Variants in UTP4 observed in about 807,000 individuals in gnomAD.
UTP4 encodes U3 small nucleolar RNA-associated protein 4 homolog.
Under a neutral mutation model 82.4 loss-of-function variants are expected in UTP4, and 45 were observed. That is an observed-to-expected ratio of 0.55 (90% CI 0.43 to 0.70). The LOEUF (loss-of-function observed/expected upper bound fraction) is 0.70. Ranked by LOEUF, UTP4 falls within the 30% of genes least tolerant of loss-of-function variation. The pLI, the probability that UTP4 is intolerant of heterozygous loss-of-function variation, is 0.00. For missense variants in UTP4, 819 were observed against 858.3 expected (o/e 0.95, Z 0.57); for synonymous variants, 348 against 300.3 (o/e 1.16, Z -1.64).
At chr16:69,164,708 T>C (rs1471381614) in intron 14 of UTP4, among the ~76,000 whole-genome samples, 1 of 151,276 alleles carries the variant, frequency 6.6e-6, no homozygotes, top group East Asian at 1.9e-4. Context: ...GACAAAGATA[T>C]GAAACAAGCT....
At chr16:69,167,561 G>T (rs148826450) in intron 16 of UTP4, 7 of 228,100 alleles carry the variant, frequency 3.1e-5, no homozygotes, top group African/African-American at 1.2e-4. Context: ...ACTTTGGGAG[G>T]CCAAGGCAGG....
intron 12 of UTP4, 54 bp from the exon 13 acceptor site, chr16:69,160,302 G>T: frequency 7.2e-7 from 1 of 1,393,314 alleles, no homozygotes. Context: ...TCCAGGGCAG[G>T]TCTGGCTGTG....
chr16:69,151,134 G>GT (rs1385591153), intron 8 of UTP4, among the ~76,000 whole-genome samples: 5 of 151,778 alleles, frequency 3.3e-5, no homozygotes, highest in African/African-American at 1.2e-4. Context: ...AGCCTCCCGA[G>GT]TAGCTGGGAT....
At chr16:69,143,679 G>A (rs1567603185) in intron 6 of UTP4, among the ~76,000 whole-genome samples, 1 of 152,160 alleles carries the variant, frequency 6.6e-6, no homozygotes, top group Admixed American at 6.5e-5. Context: ...CAGCCTAGAA[G>A]AATCTGGAGA....
chr16:69,137,900 T>C lies in UTP4; in HGVS notation c.436+15T>C. 1 of 1,511,574 alleles carries C rather than the reference T, an allele frequency of 6.6e-7. No homozygotes were observed. The highest frequency in any genetic ancestry group is 1.1e-5 in the South Asian group (1 of 88,970). The allele number at this position is 1,511,574 out of a possible 1,614,324, so 93.6% of individuals were successfully genotyped here. On this transcript the variant is annotated intron_variant, in intron 4 of 16. Coordinates refer to ENST00000314423, the MANE Select transcript of UTP4 (RefSeq NM_032830.3). ...TCGGCAGAAAAGTAAGCGTCATTTTTCATGGGGCGGTAAATAGCCTTAACA... is the reference window on the plus strand; with the variant it reads ...TCGGCAGAAAAGTAAGCGTCATTTTCCATGGGGCGGTAAATAGCCTTAACA...
chr16:69,147,476 G>C (rs1033040097), intron 6 of UTP4, among the ~76,000 whole-genome samples: 2 of 152,136 alleles, frequency 1.3e-5, no homozygotes, highest in Admixed American at 6.6e-5. Flanking sequence ...CTGCACTCCA[G>C]CCTGGGTGAC....
intron 6 of UTP4, 49 bp from the exon 7 acceptor site, chr16:69,150,488 C>A: frequency 1.2e-6 from 2 of 1,605,918 alleles, no homozygotes; most frequent in Non-Finnish European, 1.7e-6. Flanking sequence ...TTTTTCCAAC[C>A]AGACCTTGTT....
Position 69,167,155 on chromosome 16 carries a change from T to A in UTP4, c.1914T>A (p.Ala638=). 1 of 1,612,660 alleles carries A rather than the reference T, an allele frequency of 6.2e-7. No homozygotes were observed. The highest frequency in any genetic ancestry group is 8.5e-7 in the Non-Finnish European group (1 of 1,178,674). Residue 638 remains alanine, a synonymous_variant, in exon 16 of 17, where the codon GCT becomes GCA. Coordinates refer to ENST00000314423, the MANE Select transcript of UTP4 (RefSeq NM_032830.3). ...NESDVIRRRT[A]HAFKISKIYK... ...CAGATGTCATCCGGAGGCGCACAGC[T>A]CATGCTTTTAAAATTTCTAAGATAT...
chr16:69,139,278 T>C (rs568381371), intron 4 of UTP4, among the ~76,000 whole-genome samples: 25 of 152,116 alleles, frequency 1.6e-4, no homozygotes, highest in Admixed American at 1.5e-3. Context: ...GGGTGTTCTT[T>C]CTCAATTACA....
chr16:69,149,158 A>G (rs1459679213), intron 6 of UTP4, among the ~76,000 whole-genome samples: 1 of 151,840 alleles, frequency 6.6e-6, no homozygotes, highest in Non-Finnish European at 1.5e-5. Context: ...AGGAGGGTAT[A>G]TCCCCTAGGT....
chr16:69,138,409 C>T (rs544185742), intron 4 of UTP4, among the ~76,000 whole-genome samples: 1 of 152,010 alleles, frequency 6.6e-6, no homozygotes, highest in South Asian at 2.1e-4. Flanking sequence ...TGCTAATTTT[C>T]GTATTTTTAG....
intron 5 of UTP4, 148 bp from the exon 6 acceptor site, chr16:69,143,029 AT>A (rs1963005865): frequency 1.3e-6 from 1 of 771,652 alleles, no homozygotes; most frequent in Non-Finnish European, 2.3e-6. Context: ...CGGGTTTGTT[AT>A]GTTGTTTCGT....
At chr16:69,165,294 C>A in intron 14 of UTP4, 47 bp from the exon 15 acceptor site, 1 of 1,556,736 alleles carries the variant, frequency 6.4e-7, no homozygotes, top group Non-Finnish European at 8.9e-7. Context: ...CCCTTCTGGT[C>A]TTTCTGAGTA....
intron 4 of UTP4, chr16:69,139,243 A>C (rs1962893682): frequency 6.6e-6 from 1 of 152,080 alleles, no homozygotes; most frequent in African/African-American, 2.4e-5. Flanking sequence ...GTGGGATTAC[A>C]GACATGAGCA....
intron 13 of UTP4, among the ~76,000 whole-genome samples, chr16:69,161,832 CT>C (rs923235611): frequency 6.6e-6 from 1 of 150,856 alleles, no homozygotes; most frequent in Non-Finnish European, 1.5e-5. Flanking sequence ...CCTAGCTAAT[CT>C]TTTTTTTTAG....
intron 5 of UTP4, chr16:69,142,088 A>G (rs1486831921): frequency 6.8e-6 from 1 of 147,694 alleles, no homozygotes; most frequent in Non-Finnish European, 1.5e-5. Flanking sequence ...TGTTTCTGTT[A>G]GTCCGTTTGG....
intron 14 of UTP4, among the ~76,000 whole-genome samples, chr16:69,164,604 A>ATG (rs1963653300): frequency 1.4e-5 from 2 of 139,254 alleles, no homozygotes; most frequent in African/African-American, 2.6e-5. Flanking sequence ...ATATATATAT[A>ATG]TATATATATA....
In UTP4 at chr16:69,145,292, ACT is replaced by A. The variant is rs369534414; in HGVS notation, c.738+1906_738+1907del. On this transcript the variant is annotated intron_variant, in intron 6 of 16. Coordinates refer to ENST00000314423, the MANE Select transcript of UTP4 (RefSeq NM_032830.3). The stretch of plus-strand genomic sequence containing the variant: ...AAAAATTTTTTTGAGACAGTCTCTC[ACT>A]CTGTCTCCCAGGCTGGAGTGCAGTG... 7.4e-3 allele frequency among the ~76,000 whole-genome samples: 1,130 copies of A among 152,046 alleles called. 7 individuals are homozygous for A. Among genetic ancestry groups the A allele is most frequent in the Non-Finnish European group, 0.012 (845 of 67,962 alleles).
rs1647012073 is a variant in UTP4 at position 69,155,934 on chromosome 16, GT to G, written c.1231del (p.Ser411LeufsTer8). ...PCGSWIAYST[V>X]SRFFLYRLNY... ...TGGAAGTTGGATAGCCTATTCTACA[GT>G]TTCTCGGTTTTTTCTCTATCGGCTG... On this transcript the variant is annotated frameshift_variant, in exon 11 of 17. Coordinates refer to ENST00000314423, the MANE Select transcript of UTP4 (RefSeq NM_032830.3). LOFTEE classifies it high-confidence loss of function. 1.2e-6 allele frequency: 2 copies of G among 1,614,052 alleles called. No individual in the cohort carries two copies. Among genetic ancestry groups the G allele is most frequent in the African/African-American group, 2.7e-5 (2 of 75,024 alleles).
Sources: gnomAD v4.1 joint callset for allele counts (sites outside exome capture counted in the v4.1 genomes callset) on GRCh38, gnomAD v4.1.1 for gene constraint, MANE v1.5 for transcripts, NCBI Gene and HGNC (gene_info 2026-07-23, HGNC 2026-07-21) for gene names.